The following USP32 variants were observed in gnomAD, a reference collection of about 807,000 sequenced individuals.
USP32 encodes the protein ubiquitin specific peptidase 32.
In USP32, 59 loss-of-function variants were observed where a neutral mutation model predicts 204.8. The observed-to-expected ratio is 0.29, with a 90% CI of 0.23 to 0.36. The LOEUF (loss-of-function observed/expected upper bound fraction) is 0.36, where lower values mean the gene tolerates loss of function less well. Ranked by LOEUF, USP32 falls within the 10% of genes least tolerant of loss-of-function variation. The pLI is 1.00. For synonymous variants in USP32, 517 were observed against 678.4 expected, an observed-to-expected ratio of 0.76 and a Z score of 3.70; for missense variants, 1,160 against 1,946.4, an observed-to-expected ratio of 0.60 and a Z score of 7.60.
intron 1 of USP32, among the ~76,000 whole-genome samples, chr17:60,404,048 A>T (rs1226343716): frequency 6.6e-6 from 1 of 152,012 alleles, no homozygotes; most frequent in African/African-American, 2.4e-5. Context: ...TCAAAAAAAA[A>T]AAAAAAGGAA....
chr17:60,322,722 G>A (rs1395915341), intron 2 of USP32, among the ~76,000 whole-genome samples: 1 of 152,030 alleles, frequency 6.6e-6, no homozygotes, highest in Non-Finnish European at 1.5e-5. Flanking sequence ...ATTAAATTTG[G>A]TTAACAATTA....
At chr17:60,199,034 T>C (rs775390696) in intron 26 of USP32, among the ~76,000 whole-genome samples, 4 of 151,754 alleles carry the variant, frequency 2.6e-5, no homozygotes, top group Non-Finnish European at 5.9e-5. Flanking sequence ...GAGGATTGCC[T>C]GAGTCTGGCA....
intron 9 of USP32, among the ~76,000 whole-genome samples, chr17:60,264,945 T>G (rs1239265151): frequency 3.3e-5 from 5 of 151,074 alleles, no homozygotes; most frequent in African/African-American, 1.2e-4. Flanking sequence ...ATCTCAGATA[T>G]CCTTACGGTT....
Position 60,345,579 on chromosome 17 carries a change from C to T in USP32, c.88G>A (p.Asp30Asn), listed in dbSNP as rs772919136. The part of the protein sequence containing the change: ...VTDVELKRLK[D>N]AFKRTCGLSY... ...AGTCCACAGGTCCTCTTGAAAGCAT[C>T]CTTCAGTCGTTTTAGCTCTACATCT... The change falls in exon 2 of 34, where the codon GAT becomes AAT. Residue 30 changes from aspartate (D) to asparagine (N), a missense_variant. Asp to Asn is a conservative substitution (Grantham distance 23). Around this residue, in one of 8 missense-constraint regions of USP32, gnomAD observed 536 missense variants for 680.9 expected, o/e 0.79. Transcript: ENST00000300896. The T allele has an allele frequency of 6.2e-7, 1 of 1,614,164 alleles. No individual in the cohort carries two copies. The highest frequency in any genetic ancestry group is 1.1e-5 in the South Asian group (1 of 91,084).
intron 2 of USP32, among the ~76,000 whole-genome samples, chr17:60,337,915 T>A (rs1375146336): frequency 1.3e-5 from 2 of 151,986 alleles, no homozygotes; most frequent in Non-Finnish European, 2.9e-5. Flanking sequence ...AAGACGTACA[T>A]GAACAATTAG....
upstream of USP32, among the ~76,000 whole-genome samples, chr17:60,394,754 A>T (rs112119691): frequency 9.8e-3 from 1,490 of 151,674 alleles, 22 homozygotes; most frequent in African/African-American, 0.032. Context: ...TTATTTATTT[A>T]TTTTTTTGAG....
chr17:60,189,712 G>T (rs562850330), intron 29 of USP32, among the ~76,000 whole-genome samples: 1 of 152,106 alleles, frequency 6.6e-6, no homozygotes, highest in African/African-American at 2.4e-5. Context: ...TGTGCTCTTA[G>T]GTACCCAAAA....
intron 1 of USP32, among the ~76,000 whole-genome samples, chr17:60,373,530 A>G (rs1598297159): frequency 7.1e-6 from 1 of 140,666 alleles, no homozygotes; most frequent in African/African-American, 3.1e-5. Context: ...TGCAACCTGC[A>G]CCTCCTGGGT....
intron 2 of USP32, among the ~76,000 whole-genome samples, chr17:60,344,128 A>ATGT (rs1555617234): frequency 4.6e-5 from 6 of 131,192 alleles, no homozygotes; most frequent in African/African-American, 1.5e-4. Context: ...TAAAATTCCT[A>ATGT]TTTTTTTTTT....
At chr17:60,271,691 G>GA (rs1475919856) in intron 5 of USP32, among the ~76,000 whole-genome samples, 1 of 151,602 alleles carries the variant, frequency 6.6e-6, no homozygotes, top group Non-Finnish European at 1.5e-5. Flanking sequence ...CTTTAAAACA[G>GA]AAAAAAGAAA....
At chr17:60,398,627 T>C (rs1030869581) in intron 1 of USP32, among the ~76,000 whole-genome samples, 1 of 152,140 alleles carries the variant, frequency 6.6e-6, no homozygotes, top group Non-Finnish European at 1.5e-5. Context: ...TAAAGCACTT[T>C]TTGTGTGCTA....
intron 26 of USP32, among the ~76,000 whole-genome samples, chr17:60,204,188 A>T (rs973975815): frequency 1.3e-5 from 2 of 152,182 alleles, no homozygotes; most frequent in African/African-American, 4.8e-5. Flanking sequence ...AAAAAAAACA[A>T]AACAAAACAA....
At chr17:60,299,310 A>C (rs1339113489) in intron 3 of USP32, among the ~76,000 whole-genome samples, 4 of 152,232 alleles carry the variant, frequency 2.6e-5, no homozygotes, top group African/African-American at 9.6e-5. Context: ...AACTTATTAT[A>C]ATGAACAGAG....
intron 9 of USP32, among the ~76,000 whole-genome samples, chr17:60,258,895 C>T (rs2086384220): frequency 6.6e-6 from 1 of 152,076 alleles, no homozygotes. Flanking sequence ...ATTTTTTGAC[C>T]TTTCCATTCT....
At chr17:60,327,273 A>G (rs1434050746) in intron 2 of USP32, among the ~76,000 whole-genome samples, 1 of 152,214 alleles carries the variant, frequency 6.6e-6, no homozygotes, top group Non-Finnish European at 1.5e-5. Flanking sequence ...GTGGCCGCTG[A>G]CGTCACGCCA....
chr17:60,418,531 G>C (rs1352887222), intron 1 of USP32, among the ~76,000 whole-genome samples: 1 of 150,542 alleles, frequency 6.6e-6, no homozygotes, highest in African/African-American at 2.4e-5. Flanking sequence ...TTAAACTAAA[G>C]AGCTTCTGCA....
intron 1 of USP32, among the ~76,000 whole-genome samples, chr17:60,409,026 C>T (rs1200669622): frequency 6.6e-6 from 1 of 152,174 alleles, no homozygotes; most frequent in Non-Finnish European, 1.5e-5. Context: ...AGCATTTCCT[C>T]CTATTTCCTT....
chr17:60,331,649 C>G (rs1443406952), intron 2 of USP32, among the ~76,000 whole-genome samples: 1 of 144,044 alleles, frequency 6.9e-6, no homozygotes, highest in Non-Finnish European at 1.5e-5. Flanking sequence ...GTGGCTCACA[C>G]CTGTAAACCT....
chr17:60,313,984 A>T (rs1205189365), intron 2 of USP32, among the ~76,000 whole-genome samples: 1 of 152,154 alleles, frequency 6.6e-6, no homozygotes, highest in Admixed American at 6.6e-5. Flanking sequence ...AAACTGGTAT[A>T]CAAGAAGTTT....
Sources: allele counts gnomAD v4.1 joint callset (sites outside exome capture counted in the v4.1 genomes callset), GRCh38; gene constraint gnomAD v4.1.1; regional missense constraint gnomAD v4.1.1; transcripts MANE v1.5; gene names NCBI Gene and HGNC (gene_info 2026-07-23, HGNC 2026-07-21).